Variants in NRCAM observed in about 807,000 individuals in gnomAD.
NRCAM encodes NgCAM-related cell adhesion molecule.
Under a neutral mutation model 156.5 loss-of-function variants are expected in NRCAM, and 83 were observed. That is an observed-to-expected ratio of 0.53 (90% CI 0.44 to 0.64). The LOEUF (loss-of-function observed/expected upper bound fraction) is 0.64. Among genes scored for constraint, NRCAM ranks in the 30% least tolerant of loss-of-function variants. NRCAM has a pLI of 0.00. For missense variants in NRCAM, 1,417 were observed against 1,597.3 expected (o/e 0.89, Z 1.92); for synonymous variants, 538 against 563.9 (o/e 0.95, Z 0.65).
At position 108,432,762 on chromosome 7, in the gene NRCAM, TGTG is replaced by T. The variant is rs1416411938; in HGVS notation, c.-332+23478_-332+23480del. Among the ~76,000 whole-genome samples, 21 of 152,164 alleles carry T rather than the reference TGTG, an allele frequency of 1.4e-4. 1 individual carries two copies. The East Asian group carries it at 3.9e-3, about 28-fold the overall frequency. On this transcript the variant is annotated intron_variant, in intron 1 of 32. Coordinates refer to ENST00000379028, the MANE Select transcript of NRCAM (RefSeq NM_001037132.4). Reference sequence around the variant, plus strand: ...ATTAAAAATATAAAAATCAGCCAAGTGTGGTGGTACGCACCTATAGTCCTAGCT... The same window carrying T: ...ATTAAAAATATAAAAATCAGCCAAGTGTGGTACGCACCTATAGTCCTAGCT...
chr7:108,173,605 T>C (rs6950891), intron 28 of NRCAM, among the ~76,000 whole-genome samples: 2,421 of 152,298 alleles, frequency 0.016, 76 homozygotes, highest in African/African-American at 0.055. Context: ...ATGTAAGCCA[T>C]ACTTAACTAC....
At position 108,180,205 on chromosome 7, in the gene NRCAM, G is replaced by A; in HGVS notation, c.2851+18C>T. On this transcript the variant is annotated intron_variant, in intron 25 of 32. Coordinates refer to ENST00000379028, the MANE Select transcript of NRCAM (RefSeq NM_001037132.4). ...TGCCATATGTTCCTGAGATCTTAGAGACACGTCCATTCCATACCTCCTTCT... is the reference window on the plus strand; with the variant it reads ...TGCCATATGTTCCTGAGATCTTAGAAACACGTCCATTCCATACCTCCTTCT... 1 of 1,610,104 alleles carries A rather than the reference G, an allele frequency of 6.2e-7. No homozygotes were observed. Among genetic ancestry groups the A allele is most frequent in the Non-Finnish European group, 8.5e-7 (1 of 1,177,062 alleles).
intron 1 of NRCAM, among the ~76,000 whole-genome samples, chr7:108,441,899 T>C (rs879413065): frequency 2.6e-5 from 4 of 152,252 alleles, no homozygotes; most frequent in African/African-American, 4.8e-5. Flanking sequence ...TCGCCCTTCA[T>C]AGAAACAATT....
At chr7:108,370,570 A>G (rs2099621889) in intron 2 of NRCAM, among the ~76,000 whole-genome samples, 1 of 152,150 alleles carries the variant, frequency 6.6e-6, no homozygotes. Context: ...TATTTCTGTA[A>G]ACATTAATAA....
intron 2 of NRCAM, among the ~76,000 whole-genome samples, chr7:108,347,992 T>C (rs941171469): frequency 6.6e-6 from 1 of 152,256 alleles, no homozygotes; most frequent in African/African-American, 2.4e-5. Flanking sequence ...GGTATATTTA[T>C]ACATTCATCT....
At chr7:108,354,380 T>C (rs1161805011) in intron 2 of NRCAM, among the ~76,000 whole-genome samples, 2 of 152,052 alleles carry the variant, frequency 1.3e-5, no homozygotes, top group Non-Finnish European at 2.9e-5. Flanking sequence ...CATGTTAAAA[T>C]CAAGAACAGG....
rs534009841 is a variant in NRCAM at position 108,191,160 on chromosome 7, A to T, written c.1933+94T>A. ...CAGAGACCTTTTCCTTAAGAAACAC[A>T]ATTATGTGACATAGAAAAGAAAGTT... On this transcript the variant is annotated intron_variant, in intron 19 of 32. Coordinates refer to ENST00000379028, the MANE Select transcript of NRCAM (RefSeq NM_001037132.4). The T allele has an allele frequency of 8.3e-5, 86 of 1,035,838 alleles. No individual in the cohort carries two copies. In the African/African-American group the frequency reaches 1.3e-3, roughly 15 times the overall value. The allele number at this position is 1,035,838 out of a possible 1,614,324, so 64.2% of individuals were successfully genotyped here.
At chr7:108,281,530 GA>G (rs2097857935) in intron 3 of NRCAM, among the ~76,000 whole-genome samples, 1 of 152,208 alleles carries the variant, frequency 6.6e-6, no homozygotes, top group Non-Finnish European at 1.5e-5. Context: ...CATGGCATAG[GA>G]AATATGTGAA....
chr7:108,246,541 T>C (rs757273166), intron 3 of NRCAM, among the ~76,000 whole-genome samples: 8 of 152,076 alleles, frequency 5.3e-5, no homozygotes, highest in Non-Finnish European at 1.2e-4. Flanking sequence ...AGGCATCCAG[T>C]GCAGAATGAA....
At chr7:108,280,901 T>C (rs1269676) in intron 3 of NRCAM, among the ~76,000 whole-genome samples, 135,266 of 152,154 alleles carry the variant, frequency 0.89, 60,255 homozygotes, top group African/African-American at 0.92. Context: ...AATGGTCTTT[T>C]ATGCTAAAAG....
chr7:108,429,306 C>T (rs1296405772), intron 1 of NRCAM, among the ~76,000 whole-genome samples: 1 of 152,130 alleles, frequency 6.6e-6, no homozygotes, highest in Non-Finnish European at 1.5e-5. Flanking sequence ...ATTCTCCTGC[C>T]TCAGCCTCCT....
chr7:108,258,726 T>C (rs1045594546), intron 3 of NRCAM, among the ~76,000 whole-genome samples: 2 of 152,182 alleles, frequency 1.3e-5, no homozygotes, highest in African/African-American at 2.4e-5. Context: ...GGAATGAGCA[T>C]AGCGATGTGG....
At chr7:108,389,269 C>T (rs947534175) in intron 2 of NRCAM, among the ~76,000 whole-genome samples, 2 of 152,092 alleles carry the variant, frequency 1.3e-5, no homozygotes, top group African/African-American at 4.8e-5. Context: ...TGAAGAGGTC[C>T]TTCACATCCC....
At chr7:108,399,274 T>C (rs1195852069) in intron 2 of NRCAM, among the ~76,000 whole-genome samples, 162 bp downstream of exon 2, 2 of 152,166 alleles carry the variant, frequency 1.3e-5, no homozygotes, top group African/African-American at 4.8e-5. Context: ...GTTTCCTCCA[T>C]ATTTACTAAA....
rs559007859 is a variant in NRCAM, at chr7:108,414,668, C to T, written c.-331-15075G>A. ...TTTAGAAAATGGGAGCCATTTGATA[C>T]CACTCAGTGTACAGGGCCCAGAATA... On this transcript the variant is annotated intron_variant, in intron 1 of 32. Transcript: ENST00000379028. Among the ~76,000 whole-genome samples the T allele has an allele frequency of 4.6e-5, 7 of 152,240 alleles. No homozygotes were observed. The South Asian group carries it at 1.5e-3, about 32-fold the overall frequency.
chr7:108,396,296 T>A (rs1438165097), intron 2 of NRCAM, among the ~76,000 whole-genome samples: 1 of 152,224 alleles, frequency 6.6e-6, no homozygotes, highest in Non-Finnish European at 1.5e-5. Context: ...AATCATGTTT[T>A]GTACACGCAC....
intron 23 of NRCAM, 93 bp downstream of exon 23, chr7:108,182,602 C>A (rs1162634855): frequency 4.6e-6 from 5 of 1,086,022 alleles, no homozygotes; most frequent in African/African-American, 3.1e-5. Context: ...TTGCCACCTC[C>A]CTCCCTTGCA....
intron 2 of NRCAM, among the ~76,000 whole-genome samples, chr7:108,376,041 C>T (rs1045218744): frequency 6.6e-6 from 1 of 152,166 alleles, no homozygotes; most frequent in African/African-American, 2.4e-5. Context: ...GAGATGGACA[C>T]CTGTTGGTGT....
intron 11 of NRCAM, among the ~76,000 whole-genome samples, chr7:108,223,142 C>G (rs1205973276): frequency 6.6e-6 from 1 of 152,136 alleles, no homozygotes. Flanking sequence ...GACAAGACTG[C>G]AAGAGAGATG....
Sources: allele counts gnomAD v4.1 joint callset (sites outside exome capture counted in the v4.1 genomes callset), GRCh38; gene constraint gnomAD v4.1.1; transcripts MANE v1.5; gene names NCBI Gene and HGNC (gene_info 2026-07-23, HGNC 2026-07-21).